Variants in ATRNL1 observed in about 807,000 individuals in gnomAD.
The protein encoded by ATRNL1 is attractin like 1.
Under a neutral mutation model 182.7 loss-of-function variants are expected in ATRNL1, and 95 were observed. The ratio of observed to expected loss-of-function variants is 0.52; its 90% CI spans 0.44 to 0.62. The LOEUF is 0.62. ATRNL1 is among the 20% of genes least tolerant of loss of function. ATRNL1 has a pLI of 0.00. For synonymous variants in ATRNL1, 576 were observed against 568.3 expected, an observed-to-expected ratio of 1.01 and a Z score of -0.19; for missense variants, 1,471 against 1,679.5, an observed-to-expected ratio of 0.88 and a Z score of 2.17.
intron 28 of ATRNL1, among the ~76,000 whole-genome samples, chr10:115,892,973 A>G (rs751399766): frequency 6.6e-6 from 1 of 152,224 alleles, no homozygotes; most frequent in Non-Finnish European, 1.5e-5. Context: ...AAAAATTGCT[A>G]TTGAATTCTT....
chr10:115,853,637 G>A (rs1186669368), intron 28 of ATRNL1, among the ~76,000 whole-genome samples: 4 of 152,188 alleles, frequency 2.6e-5, no homozygotes, highest in Admixed American at 6.5e-5. Flanking sequence ...TTCTTTGTTA[G>A]AGGTGGCTAG....
At chr10:115,408,460 A>G (rs781877047) in intron 20 of ATRNL1, among the ~76,000 whole-genome samples, 3 of 152,094 alleles carry the variant, frequency 2.0e-5, no homozygotes, top group African/African-American at 4.8e-5. Flanking sequence ...TGAGTTCCTT[A>G]TGTATTCTGG....
chr10:115,717,596 G>A (rs367582778), intron 26 of ATRNL1, among the ~76,000 whole-genome samples: 1 of 128,206 alleles, frequency 7.8e-6, no homozygotes, highest in East Asian at 2.6e-4. Context: ...CTGTCACCTG[G>A]GCTAGAGTGC....
chr10:115,503,114 A>G (rs566771837), intron 24 of ATRNL1, among the ~76,000 whole-genome samples: 2 of 152,166 alleles, frequency 1.3e-5, no homozygotes, highest in Non-Finnish European at 2.9e-5. Context: ...ATTTAAAACC[A>G]TGTAACTTAA....
intron 8 of ATRNL1, among the ~76,000 whole-genome samples, chr10:115,212,302 C>T (rs1413761873): frequency 6.9e-6 from 1 of 144,608 alleles, no homozygotes; most frequent in African/African-American, 2.5e-5. Context: ...TTTTTTTTAA[C>T]TTTTTTTTTT....
chr10:115,323,831 G>A (rs1052364412), intron 18 of ATRNL1, among the ~76,000 whole-genome samples: 1 of 151,498 alleles, frequency 6.6e-6, no homozygotes, highest in Non-Finnish European at 1.5e-5. Context: ...AGCCTGGAGT[G>A]CAGTGGCGCG....
intron 27 of ATRNL1, among the ~76,000 whole-genome samples, chr10:115,734,256 TC>T (rs1947885073): frequency 6.6e-6 from 1 of 152,162 alleles, no homozygotes; most frequent in South Asian, 2.1e-4. Flanking sequence ...TTATTTACTT[TC>T]TAGAAATGTC....
intron 24 of ATRNL1, among the ~76,000 whole-genome samples, chr10:115,517,284 T>A (rs1215298709): frequency 6.6e-6 from 1 of 151,904 alleles, no homozygotes; most frequent in Non-Finnish European, 1.5e-5. Context: ...TGTCTCAGTG[T>A]TTTATTTGAT....
intron 27 of ATRNL1, among the ~76,000 whole-genome samples, chr10:115,738,126 A>ATTTTTTTTTTTTTTTTTTTTTTTTTTT (rs10546896): frequency 4.2e-5 from 2 of 47,112 alleles, no homozygotes; most frequent in African/African-American, 6.6e-5. Context: ...GAAGATAATG[A>ATTTTTTTTTTTTTTTTTTTTTTTTTTT]TTTTTTTTTT....
At chr10:115,531,450 C>A (rs1409730574) in intron 25 of ATRNL1, among the ~76,000 whole-genome samples, 3 of 152,002 alleles carry the variant, frequency 2.0e-5, no homozygotes, top group African/African-American at 7.3e-5. Context: ...CTGTTCATAC[C>A]CTTTGGCCAC....
intron 28 of ATRNL1, among the ~76,000 whole-genome samples, chr10:115,851,493 C>G (rs1359962303): frequency 6.6e-6 from 1 of 152,020 alleles, no homozygotes; most frequent in South Asian, 2.1e-4. Flanking sequence ...GTGTGAACTC[C>G]CTTCCTTATG....
At chr10:115,158,857 G>A (rs890827849) in intron 5 of ATRNL1, among the ~76,000 whole-genome samples, 3 of 151,706 alleles carry the variant, frequency 2.0e-5, no homozygotes, top group African/African-American at 4.8e-5. Context: ...TTTAAAGTTG[G>A]GATTAAGTAG....
At chr10:115,355,304 TG>T (rs1856453772) in intron 19 of ATRNL1, among the ~76,000 whole-genome samples, 1 of 152,168 alleles carries the variant, frequency 6.6e-6, no homozygotes, top group African/African-American at 2.4e-5. Flanking sequence ...AGAATTCAAA[TG>T]GGATTGAGTG....
intron 27 of ATRNL1, among the ~76,000 whole-genome samples, chr10:115,818,185 GTTT>G (rs3027964): frequency 0.052 from 6,834 of 130,696 alleles, 463 homozygotes; most frequent in African/African-American, 0.16. Context: ...ATTTGATTCC[GTTT>G]TTTTTTTTTT....
chr10:115,651,599 G>A (rs11197379), intron 26 of ATRNL1, among the ~76,000 whole-genome samples: 1,784 of 152,162 alleles, frequency 0.012, 36 homozygotes, highest in African/African-American at 0.04. Flanking sequence ...GTAGGTTAAC[G>A]TTTTTCAATG....
Position 115,696,941 on chromosome 10 carries a change from G to C in ATRNL1, c.3796-30307G>C, listed in dbSNP as rs1056653848. On this transcript the variant is annotated intron_variant, in intron 26 of 28. Coordinates refer to ENST00000355044, the MANE Select transcript of ATRNL1 (RefSeq NM_207303.4). The stretch of plus-strand genomic sequence containing the variant: ...GAAATGCCACACTTTAAAACCATCA[G>C]ATCTCATGAGAACACAGTCACTATC... Among the ~76,000 whole-genome samples, 9 of 151,560 alleles carry C rather than the reference G, an allele frequency of 5.9e-5. 1 individual carries two copies. The highest frequency in any genetic ancestry group is 3.3e-4 in the Admixed American group (5 of 15,206).
chr10:115,462,761 T>G (rs1554970033), intron 22 of ATRNL1, among the ~76,000 whole-genome samples: 1 of 152,172 alleles, frequency 6.6e-6, no homozygotes, highest in African/African-American at 2.4e-5. Flanking sequence ...GCTCCTTTAA[T>G]GAAATTACCA....
intron 5 of ATRNL1, among the ~76,000 whole-genome samples, chr10:115,151,684 T>C (rs917839067): frequency 6.6e-6 from 1 of 152,190 alleles, no homozygotes; most frequent in Non-Finnish European, 1.5e-5. Context: ...TTCACTTTGA[T>C]GGTAGTTTCT....
chr10:115,345,188 C>T (rs1206547419), intron 19 of ATRNL1, among the ~76,000 whole-genome samples: 1 of 152,328 alleles, frequency 6.6e-6, no homozygotes, highest in Non-Finnish European at 1.5e-5. Flanking sequence ...GAGTTGTAGT[C>T]CTTATGGCCC....
Sources: allele counts gnomAD v4.1 joint callset (sites outside exome capture counted in the v4.1 genomes callset), GRCh38; gene constraint gnomAD v4.1.1; transcripts MANE v1.5; gene names NCBI Gene and HGNC (gene_info 2026-07-23, HGNC 2026-07-21).